Variants in ZNF512 observed in about 807,000 individuals in gnomAD.
The protein encoded by ZNF512 is zinc finger protein 512.
A neutral mutation model predicts 77.5 loss-of-function variants in ZNF512; 25 were observed. That is an observed-to-expected ratio of 0.32 (90% CI 0.23 to 0.45). The LOEUF (loss-of-function observed/expected upper bound fraction) is 0.45, where lower values mean the gene tolerates loss of function less well. Ranked by LOEUF, ZNF512 falls within the 20% of genes least tolerant of loss-of-function variation. The pLI is 1.00. For synonymous variants in ZNF512, 246 were observed against 239.9 expected, an observed-to-expected ratio of 1.03 and a Z score of -0.24; for missense variants, 483 against 692.6, an observed-to-expected ratio of 0.70 and a Z score of 3.40.
chr2:27,618,183 G>A (rs1242504352), intron 13 of ZNF512, among the ~76,000 whole-genome samples: 1 of 152,072 alleles, frequency 6.6e-6, no homozygotes, highest in Non-Finnish European at 1.5e-5. Context: ...GCCTCCCAAA[G>A]TGCTAGGATT....
intron 11 of ZNF512, 124 bp from the exon 12 acceptor site, chr2:27,616,138 G>A (rs1342176916): frequency 3.1e-6 from 2 of 638,962 alleles, no homozygotes; most frequent in Admixed American, 6.3e-5. Flanking sequence ...TTTTTCGTTT[G>A]TTTTGTGGCA....
chr2:27,588,709 T>G (rs1671443854), intron 2 of ZNF512, among the ~76,000 whole-genome samples: 1 of 152,010 alleles, frequency 6.6e-6, no homozygotes, highest in Non-Finnish European at 1.5e-5. Flanking sequence ...GTTCTTTGCG[T>G]TTTTATAAGA....
intron 10 of ZNF512, among the ~76,000 whole-genome samples, chr2:27,609,696 C>T (rs1572928386): frequency 1.3e-5 from 2 of 152,258 alleles, no homozygotes; most frequent in African/African-American, 4.8e-5. Flanking sequence ...TGGTGATACC[C>T]CTTCTCTATT....
chr2:27,620,354 C>G (rs1673063502), intron 13 of ZNF512, among the ~76,000 whole-genome samples: 1 of 152,202 alleles, frequency 6.6e-6, no homozygotes, highest in African/African-American at 2.4e-5. Context: ...AAAGCTTCCT[C>G]TTCTTTTTTA....
chr2:27,587,919 A>ATTTTCCCCTTTAAGTCT (rs1219516139), intron 2 of ZNF512, among the ~76,000 whole-genome samples: 4 of 148,544 alleles, frequency 2.7e-5, no homozygotes, highest in Admixed American at 6.7e-5. Context: ...ACCTCAGGTG[A>ATTTTCCCCTTTAAGTCT]TCTGCCCACC....
chr2:27,617,621 T>C lies in ZNF512; in HGVS notation c.1395+50T>C, dbSNP rs186796998. The C allele has an allele frequency of 7.5e-6, 6 of 794,952 alleles. No homozygotes were observed. The African/African-American group carries it at 8.4e-5, about 11-fold the overall frequency. 49.2% of individuals were successfully genotyped at this position (794,952 alleles called of 1,614,324 possible). ...CCTGATATGTAAGCCACAAGAGAGG[T>C]AGACTTTGTCCCTATTGTTATGGAC... On this transcript the variant is annotated intron_variant, in intron 13 of 13. Coordinates refer to ENST00000355467, the MANE Select transcript of ZNF512 (RefSeq NM_032434.4).
intron 11 of ZNF512, 55 bp from the exon 12 acceptor site, chr2:27,616,207 T>C: frequency 7.2e-7 from 1 of 1,380,732 alleles, no homozygotes; most frequent in South Asian, 1.2e-5. Context: ...GGCCAGATTG[T>C]TCAGAGAAGG....
chr2:27,598,685 A>T (rs566006088), intron 3 of ZNF512, among the ~76,000 whole-genome samples: 1 of 152,106 alleles, frequency 6.6e-6, no homozygotes, highest in African/African-American at 2.4e-5. Context: ...TTAGTGATTT[A>T]AAAAAATTTA....
chr2:27,622,538 A>T lies in ZNF512; in HGVS notation c.*1077A>T, dbSNP rs982936733. ...CCTGAGACTTTGACACCAGATGTAG[A>T]TATTTATCTGGAGCTGGAAAGAAAA... On this transcript the variant is annotated 3_prime_UTR_variant, in exon 14 of 14. Transcript: ENST00000355467. 6.5e-6 allele frequency: 1 copy of T among 152,676 alleles called. No homozygotes were observed. Among genetic ancestry groups the T allele is most frequent in the African/African-American group, 2.4e-5 (1 of 41,424 alleles). The allele number at this position is 152,676 out of a possible 1,614,324, so 9.5% of individuals were successfully genotyped here. A position where few individuals can be genotyped will look rare whatever the true frequency, so the allele number is the denominator to read the frequency against.
chr2:27,608,933 A>T (rs1672484161), intron 10 of ZNF512, among the ~76,000 whole-genome samples: 1 of 151,592 alleles, frequency 6.6e-6, no homozygotes, highest in Non-Finnish European at 1.5e-5. Context: ...ACATGGTGAA[A>T]CCCCCTCTCT....
At chr2:27,592,352 C>T (rs1318672447) in intron 2 of ZNF512, among the ~76,000 whole-genome samples, 2 of 150,626 alleles carry the variant, frequency 1.3e-5, no homozygotes, top group East Asian at 3.9e-4. Flanking sequence ...CGCTCTGTAG[C>T]CCAGGGCAGC....
At position 27,603,208 on chromosome 2, in the gene ZNF512, T is replaced by A. The variant is rs1243799574; in HGVS notation, c.837T>A (p.Ala279=). 1 of 1,614,084 alleles carries A rather than the reference T, an allele frequency of 6.2e-7. No homozygotes were observed. Among genetic ancestry groups the A allele is most frequent in the Non-Finnish European group, 8.5e-7 (1 of 1,180,036 alleles). ...LYHVRKCGKG[A]AELEKMTLKC... ...ATGTCAGAAAATGTGGCAAAGGGGC[T>A]GCAGAGCTGGAAAAGATGACCCTGA... is the stretch of plus-strand genomic sequence containing the variant. Residue 279 remains alanine, a synonymous_variant, in exon 9 of 14, where the codon GCT becomes GCA. Coordinates refer to ENST00000355467, the MANE Select transcript of ZNF512 (RefSeq NM_032434.4).
In ZNF512 at chr2:27,610,484, A is replaced by C. The variant is rs547461455; in HGVS notation, c.1131+2445A>C. Among the ~76,000 whole-genome samples, 199 of 135,844 alleles carry C rather than the reference A, an allele frequency of 1.5e-3. 3 individuals carry two copies. The highest frequency in any genetic ancestry group is 2.6e-3 in the Non-Finnish European group (171 of 64,928). 89.1% of individuals were successfully genotyped at this position (135,844 alleles called of 152,430 possible). ...GTTATATATGTGTATATGTGTATATATATATATGTGTATATGTGTATATAT... is the reference window on the plus strand; with the variant it reads ...GTTATATATGTGTATATGTGTATATCTATATATGTGTATATGTGTATATAT... On this transcript the variant is annotated intron_variant, in intron 10 of 13. Coordinates refer to ENST00000355467, the MANE Select transcript of ZNF512 (RefSeq NM_032434.4).
In ZNF512 at chr2:27,610,294, G is replaced by A. The variant is rs192325752; in HGVS notation, c.1131+2255G>A. Among the ~76,000 whole-genome samples, 1,083 of 148,764 alleles carry A rather than the reference G, an allele frequency of 7.3e-3. 9 individuals are homozygous for A. Among genetic ancestry groups the A allele is most frequent in the East Asian group, 0.036 (179 of 4,942 alleles). ...CAGGAGATTCACTTGAACCCGGGGG[G>A]CAGAGGTTGCAGTGAGCCGAGATTG... On this transcript the variant is annotated intron_variant, in intron 10 of 13. Coordinates refer to ENST00000355467, the MANE Select transcript of ZNF512 (RefSeq NM_032434.4).
At chr2:27,601,250 A>G in intron 6 of ZNF512, 106 bp from the exon 7 acceptor site, 2 of 794,074 alleles carry the variant, frequency 2.5e-6, no homozygotes, top group South Asian at 4.1e-5. Context: ...TTGACTATTG[A>G]GCTTGAGAAA....
chr2:27,599,775 GAC>G, intron 4 of ZNF512, 97 bp downstream of exon 4: 1 of 1,237,512 alleles, frequency 8.1e-7, no homozygotes, highest in Non-Finnish European at 1.2e-6. Context: ...GCCCTTCAGT[GAC>G]CTCTGAGCCC....
At chr2:27,588,186 T>TTTA (rs1671424271) in intron 2 of ZNF512, among the ~76,000 whole-genome samples, 1 of 152,094 alleles carries the variant, frequency 6.6e-6, no homozygotes, top group South Asian at 2.1e-4. Flanking sequence ...GAGCAAAAGG[T>TTTA]TTAAATTTAT....
intron 10 of ZNF512, among the ~76,000 whole-genome samples, chr2:27,614,526 T>C (rs1672798145): frequency 6.6e-6 from 1 of 152,100 alleles, no homozygotes; most frequent in African/African-American, 2.4e-5. Context: ...GGAAAAAATA[T>C]TAAAATGATT....
chr2:27,606,286 G>GA (rs1672356379), intron 9 of ZNF512, among the ~76,000 whole-genome samples: 1 of 150,928 alleles, frequency 6.6e-6, no homozygotes, highest in East Asian at 2.0e-4. Flanking sequence ...TTTTGATATA[G>GA]TTTATGTATT....
Sources: allele counts gnomAD v4.1 joint callset (sites outside exome capture counted in the v4.1 genomes callset), GRCh38; gene constraint gnomAD v4.1.1; transcripts MANE v1.5; gene names NCBI Gene and HGNC (gene_info 2026-07-23, HGNC 2026-07-21).